The following SH3BP5 variants were observed in gnomAD, a reference collection of about 807,000 sequenced individuals.
The protein encoded by SH3BP5 is SH3 domain binding protein 5, also known as SH3 domain-binding protein 5.
In SH3BP5, 22 loss-of-function variants were observed where a neutral mutation model predicts 43.3. The observed-to-expected ratio is 0.51, with a 90% CI of 0.36 to 0.73. SH3BP5 has a LOEUF of 0.73. Among genes scored for constraint, SH3BP5 ranks in the 30% least tolerant of loss-of-function variants. SH3BP5 has a pLI of 0.00. For missense variants in SH3BP5, 529 were observed against 586.9 expected (o/e 0.90, Z 1.02); for synonymous variants, 255 against 225.8 (o/e 1.13, Z -1.16).
In SH3BP5 at chr3:15,307,840, G is replaced by C. The variant is rs147942755; in HGVS notation, c.202-3609C>G. Among the ~76,000 whole-genome samples the C allele has an allele frequency of 1.6e-3, 242 of 152,372 alleles. 5 individuals carry two copies. Among genetic ancestry groups the C allele is most frequent in the Admixed American group, 0.013 (205 of 15,306 alleles). On this transcript the variant is annotated intron_variant, in intron 2 of 8. Transcript: ENST00000383791. ...ACATTCACACCAGTGAGAAAACGGA[G>C]GGCCAGATCGGTTAGCGTGTGGCCT... is the stretch of plus-strand genomic sequence containing the variant.
chr3:15,324,708 C>A (rs561651424), intron 2 of SH3BP5, among the ~76,000 whole-genome samples: 3 of 152,086 alleles, frequency 2.0e-5, no homozygotes, highest in African/African-American at 7.2e-5. Context: ...AGTGCTGGGA[C>A]GTATCACTGT....
chr3:15,261,734 C>T lies in SH3BP5; in HGVS notation c.626+425G>A, dbSNP rs1295153242. Among the ~76,000 whole-genome samples, 4 of 151,564 alleles carry T rather than the reference C, an allele frequency of 2.6e-5. No individual in the cohort carries two copies. The East Asian group carries it at 7.7e-4, about 29-fold the overall frequency. ...AAAAACTCTACTAAAGCCAGTCTTA[C>T]AGCATTTTATCAGCTCTTGATCACA... On this transcript the variant is annotated intron_variant, in intron 5 of 8. Coordinates refer to ENST00000383791, the MANE Select transcript of SH3BP5 (RefSeq NM_004844.5).
chr3:15,340,829 G>C (rs1296984737), intron 1 of SH3BP5, among the ~76,000 whole-genome samples: 1 of 152,008 alleles, frequency 6.6e-6, no homozygotes, highest in Non-Finnish European at 1.5e-5. Flanking sequence ...GAGGCGGGCG[G>C]ATCACCTGAG....
chr3:15,338,928 C>G (rs991344414), intron 1 of SH3BP5, among the ~76,000 whole-genome samples: 2 of 152,118 alleles, frequency 1.3e-5, no homozygotes, highest in Non-Finnish European at 2.9e-5. Context: ...TGACCTCTCC[C>G]CAGAGCCCTC....
At chr3:15,257,963 T>TG (rs1221185097) in intron 7 of SH3BP5, 2 of 152,264 alleles carry the variant, frequency 1.3e-5, no homozygotes, top group Non-Finnish European at 2.9e-5. Flanking sequence ...CTCCACTACT[T>TG]GCTGTGTGAC....
intron 4 of SH3BP5, 43 bp downstream of exon 4, chr3:15,269,670 T>C (rs1378509608): frequency 5.4e-6 from 8 of 1,489,896 alleles, no homozygotes; most frequent in Admixed American, 2.3e-5. Flanking sequence ...CCAGCGCGCA[T>C]GCACGCGCAC....
At chr3:15,257,180 G>C (rs1696241161) in intron 7 of SH3BP5, 67 bp from the exon 8 acceptor site, 1 of 1,523,992 alleles carries the variant, frequency 6.6e-7, no homozygotes, top group South Asian at 1.2e-5. Flanking sequence ...AGTGCTTGCT[G>C]CTGGCAGGCA....
intron 3 of SH3BP5, among the ~76,000 whole-genome samples, chr3:15,290,501 G>A (rs1489579957): frequency 6.9e-6 from 1 of 145,930 alleles, no homozygotes; most frequent in Admixed American, 6.9e-5. Flanking sequence ...ACTACAGCCT[G>A]GGCAACAGAG....
chr3:15,278,507 T>C (rs868034930), intron 3 of SH3BP5, among the ~76,000 whole-genome samples: 1 of 152,206 alleles, frequency 6.6e-6, no homozygotes, highest in Non-Finnish European at 1.5e-5. Flanking sequence ...CTTCAACTCC[T>C]GAATGATGCT....
chr3:15,259,618 T>G, intron 6 of SH3BP5, 143 bp downstream of exon 6: 1 of 832,784 alleles, frequency 1.2e-6, no homozygotes, highest in Non-Finnish European at 2.1e-6. Context: ...CGAGACAATT[T>G]TGAGGTCTGA....
chr3:15,310,610 A>C (rs1181250903), intron 2 of SH3BP5, among the ~76,000 whole-genome samples: 3 of 152,156 alleles, frequency 2.0e-5, no homozygotes, highest in Admixed American at 6.5e-5. Context: ...CTTATCTGAG[A>C]GAGCAAGCAG....
intron 4 of SH3BP5, 137 bp downstream of exon 4, chr3:15,269,576 T>C (rs988953667): frequency 1.1e-6 from 1 of 911,102 alleles, no homozygotes; most frequent in Non-Finnish European, 1.6e-6. Context: ...CAAGAGATCA[T>C]ACGGAGATGA....
At chr3:15,274,497 G>T (rs1239197655) in intron 3 of SH3BP5, among the ~76,000 whole-genome samples, 2 of 151,750 alleles carry the variant, frequency 1.3e-5, no homozygotes, top group Non-Finnish European at 2.9e-5. Context: ...TTTTTTGTTG[G>T]TTGGTTGGTT....
At chr3:15,303,710 A>G (rs1697818378) in intron 3 of SH3BP5, among the ~76,000 whole-genome samples, 1 of 152,128 alleles carries the variant, frequency 6.6e-6, no homozygotes, top group South Asian at 2.1e-4. Flanking sequence ...AAAAAAGAAA[A>G]AGAAGAAGAA....
chr3:15,260,884 G>A (rs1011240122), intron 5 of SH3BP5, among the ~76,000 whole-genome samples: 2 of 152,214 alleles, frequency 1.3e-5, no homozygotes, highest in African/African-American at 2.4e-5. Flanking sequence ...AGTCTGAAAA[G>A]GTTGGCAAAG....
chr3:15,263,909 C>T (rs1289354132), intron 4 of SH3BP5, among the ~76,000 whole-genome samples: 2 of 152,182 alleles, frequency 1.3e-5, no homozygotes, highest in African/African-American at 4.8e-5. Flanking sequence ...TCTGTATTCT[C>T]TGGGGAGCAT....
chr3:15,303,539 C>G (rs1381062107), intron 3 of SH3BP5, among the ~76,000 whole-genome samples: 2 of 152,192 alleles, frequency 1.3e-5, no homozygotes, highest in Admixed American at 6.5e-5. Flanking sequence ...CGCCTGATCA[C>G]AGTCCCCTCC....
upstream of SH3BP5, among the ~76,000 whole-genome samples, chr3:15,336,347 G>A (rs893921060): frequency 6.6e-6 from 1 of 152,144 alleles, no homozygotes; most frequent in South Asian, 2.1e-4. Context: ...GGTAGGCCAC[G>A]GAGATGCTTT....
At position 15,256,306 on chromosome 3, in the gene SH3BP5, A is replaced by T; in HGVS notation, c.1151-3T>A. On this transcript the variant is annotated splice_region_variant and splice_polypyrimidine_tract_variant and intron_variant, in intron 8 of 8. Transcript: ENST00000383791. ...CTCTGCCCCTTCTGCCCTGTCTCCT[A>T]TAGAAATACAAGGATTATCAAAAGT... The T allele has an allele frequency of 2.5e-6, 4 of 1,611,884 alleles. No homozygotes were observed. Among genetic ancestry groups the T allele is most frequent in the Non-Finnish European group, 3.4e-6 (4 of 1,179,446 alleles).
Sources: allele counts gnomAD v4.1 joint callset (sites outside exome capture counted in the v4.1 genomes callset), GRCh38; gene constraint gnomAD v4.1.1; transcripts MANE v1.5; gene names NCBI Gene and HGNC (gene_info 2026-07-23, HGNC 2026-07-21).